The following ZFHX3 variants were observed in gnomAD, a reference collection of about 807,000 sequenced individuals.
ZFHX3 encodes zinc finger homeobox 3.
In ZFHX3, 42 loss-of-function variants were observed where a neutral mutation model predicts 279.1. The observed-to-expected ratio is 0.15, with a 90% CI of 0.12 to 0.19. The LOEUF (loss-of-function observed/expected upper bound fraction) is 0.19. Ranked by LOEUF, ZFHX3 falls within the 10% of genes least tolerant of loss-of-function variation. ZFHX3 has a pLI of 1.00. For synonymous variants in ZFHX3, 2,293 were observed against 1,957.8 expected (o/e 1.17, Z -4.52); for missense variants, 4,981 against 4,754.0 (o/e 1.05, Z -1.40).
intron 5 of ZFHX3, among the ~76,000 whole-genome samples, chr16:73,178,758 G>A (rs1056564750): frequency 2.0e-5 from 3 of 152,140 alleles, no homozygotes; most frequent in African/African-American, 7.2e-5. Flanking sequence ...AAATAGCTGG[G>A]ATTACAGGCA....
At chr16:73,013,345 T>C (rs1358447313) in intron 1 of ZFHX3, among the ~76,000 whole-genome samples, 5 of 152,182 alleles carry the variant, frequency 3.3e-5, no homozygotes, top group African/African-American at 1.2e-4. Context: ...TGGAGTGCAG[T>C]AGTACGATGT....
chr16:72,941,652 C>A (rs1004642058), intron 3 of ZFHX3, among the ~76,000 whole-genome samples: 1 of 147,582 alleles, frequency 6.8e-6, no homozygotes, highest in African/African-American at 2.6e-5. Flanking sequence ...GACCCTGTTT[C>A]TATTTTTTTT....
chr16:73,517,188 T>C (rs895136785), intron 2 of ZFHX3, among the ~76,000 whole-genome samples: 1 of 152,122 alleles, frequency 6.6e-6, no homozygotes, highest in Non-Finnish European at 1.5e-5. Context: ...TGTTCTACCG[T>C]CCATCACCTT....
At chr16:73,331,975 G>A (rs1255364637) in intron 3 of ZFHX3, among the ~76,000 whole-genome samples, 2 of 152,048 alleles carry the variant, frequency 1.3e-5, no homozygotes, top group Admixed American at 1.3e-4. Flanking sequence ...GAAAAACAAG[G>A]CAGAAGAAAA....
intron 1 of ZFHX3, among the ~76,000 whole-genome samples, chr16:73,781,970 GA>G (rs1366597938): frequency 6.6e-6 from 1 of 152,174 alleles, no homozygotes; most frequent in Non-Finnish European, 1.5e-5. Context: ...CAGGGCGAAA[GA>G]GCGAGACTCC....
At chr16:73,638,264 A>G (rs924426136) in intron 2 of ZFHX3, among the ~76,000 whole-genome samples, 1 of 152,204 alleles carries the variant, frequency 6.6e-6, no homozygotes, top group Admixed American at 6.5e-5. Context: ...TCGAGGATTG[A>G]TTTGATTTGG....
chr16:73,844,099 A>G (rs1172180173), intron 1 of ZFHX3, among the ~76,000 whole-genome samples: 1 of 152,238 alleles, frequency 6.6e-6, no homozygotes, highest in East Asian at 1.9e-4. Context: ...GTGCAGTTCT[A>G]AGCGACTATA....
At chr16:73,040,966 T>C (rs1014125321) in intron 1 of ZFHX3, among the ~76,000 whole-genome samples, 1 of 152,210 alleles carries the variant, frequency 6.6e-6, no homozygotes, top group African/African-American at 2.4e-5. Context: ...GTAACACTGA[T>C]GGCCTCAGCA....
At position 73,370,237 on chromosome 16, in the gene ZFHX3, A is replaced by G. The variant is rs143008322; in HGVS notation, c.-1290-51901T>C. Among the ~76,000 whole-genome samples the G allele has an allele frequency of 5.3e-3, 809 of 152,308 alleles. 1 individual carries two copies. The highest frequency in any genetic ancestry group is 0.017 in the Middle Eastern group (5 of 294). On this transcript the variant is annotated intron_variant, in intron 3 of 17. Coordinates refer to the ZFHX3 transcript ENST00000641206. ...ATGCCACCTGGCACATGCTCCTGTA[A>G]CTCAGCTGCATTTTCACCTGGGTGT... is the stretch of plus-strand genomic sequence containing the variant.
chr16:73,215,510 T>C (rs1265670848), intron 5 of ZFHX3, among the ~76,000 whole-genome samples: 2 of 152,226 alleles, frequency 1.3e-5, no homozygotes, highest in African/African-American at 4.8e-5. Context: ...ATGTTCTATC[T>C]GGAGTTTTCT....
chr16:73,117,779 C>T (rs1966449700), intron 7 of ZFHX3, among the ~76,000 whole-genome samples: 1 of 152,154 alleles, frequency 6.6e-6, no homozygotes, highest in Non-Finnish European at 1.5e-5. Flanking sequence ...GTGGAACCCT[C>T]ACAAATAGGA....
intron 1 of ZFHX3, among the ~76,000 whole-genome samples, chr16:73,804,818 G>A (rs1327073827): frequency 6.9e-6 from 1 of 145,156 alleles, no homozygotes; most frequent in African/African-American, 2.6e-5. Flanking sequence ...TAAACTCTAT[G>A]AAATCTTCTA....
intron 3 of ZFHX3, among the ~76,000 whole-genome samples, chr16:73,346,592 C>T (rs930564388): frequency 6.6e-6 from 1 of 152,220 alleles, no homozygotes; most frequent in Non-Finnish European, 1.5e-5. Context: ...ATGCCTCAGC[C>T]ACTGGAGTAG....
At chr16:73,584,190 C>CGT (rs1252219109) in intron 2 of ZFHX3, among the ~76,000 whole-genome samples, 2 of 149,882 alleles carry the variant, frequency 1.3e-5, no homozygotes, top group African/African-American at 5.1e-5. Context: ...TTCTAACATA[C>CGT]ATCTAATTGG....
At chr16:73,515,806 T>C (rs1324852563) in intron 2 of ZFHX3, among the ~76,000 whole-genome samples, 1 of 152,174 alleles carries the variant, frequency 6.6e-6, no homozygotes, top group Non-Finnish European at 1.5e-5. Flanking sequence ...TATCTCACCA[T>C]TTTGATCATC....
intron 8 of ZFHX3, among the ~76,000 whole-genome samples, chr16:73,067,028 G>C (rs1965763953): frequency 6.6e-6 from 1 of 152,058 alleles, no homozygotes; most frequent in African/African-American, 2.4e-5. Flanking sequence ...AGGTGCAAGA[G>C]CTGGGAGTGG....
chr16:73,552,062 AGAGAGAAAGC>A lies in ZFHX3; in HGVS notation c.-1546-95814_-1546-95805del, dbSNP rs971395550. Among the ~76,000 whole-genome samples the A allele has an allele frequency of 2.8e-4, 43 of 152,298 alleles. No homozygotes were observed. The Middle Eastern group carries it at 0.01, about 36-fold the overall frequency. On this transcript the variant is annotated intron_variant, in intron 2 of 17. Transcript: ENST00000641206. ...GAGAGAGACAGAGAGAGAGAGAAAG[AGAGAGAAAGC>A]ACACAGTCATGTATCTTTTACTCAT...
intron 5 of ZFHX3, among the ~76,000 whole-genome samples, chr16:73,240,385 A>T (rs895736943): frequency 1.3e-5 from 2 of 151,886 alleles, no homozygotes; most frequent in Non-Finnish European, 2.9e-5. Context: ...TGCCTGGATC[A>T]TTTTTGTATT....
intron 2 of ZFHX3, among the ~76,000 whole-genome samples, chr16:73,527,592 A>C (rs1233528422): frequency 6.6e-6 from 1 of 152,192 alleles, no homozygotes; most frequent in Non-Finnish European, 1.5e-5. Context: ...AGAATATGGC[A>C]AATGTTATGG....
Sources: gnomAD v4.1 joint callset for allele counts (sites outside exome capture counted in the v4.1 genomes callset) on GRCh38, gnomAD v4.1.1 for gene constraint, MANE v1.5 for transcripts, NCBI Gene and HGNC (gene_info 2026-07-23, HGNC 2026-07-21) for gene names.